The following LRP1B variants were observed in gnomAD, a reference collection of about 807,000 sequenced individuals.
LRP1B encodes the protein LDL receptor related protein 1B.
Under a neutral mutation model 556.6 loss-of-function variants are expected in LRP1B, and 217 were observed. The observed-to-expected ratio is 0.39, with a 90% CI of 0.35 to 0.44. The LOEUF is 0.44. LRP1B is among the 20% of genes least tolerant of loss of function. LRP1B has a pLI of 1.00. For missense variants in LRP1B, 5,053 were observed against 5,620.8 expected (o/e 0.90, Z 3.23); for synonymous variants, 2,047 against 1,865.8 (o/e 1.10, Z -2.50).
At chr2:141,995,222 C>T (rs1389930623) in intron 1 of LRP1B, among the ~76,000 whole-genome samples, 1 of 152,098 alleles carries the variant, frequency 6.6e-6, no homozygotes, top group East Asian at 1.9e-4. Context: ...TCTCGGTTGG[C>T]CAAAAATCAA....
Position 140,524,719 on chromosome 2 carries a change from C to T in LRP1B, c.8026+1125G>A, listed in dbSNP as rs1690351216. On this transcript the variant is annotated intron_variant, in intron 49 of 90. Coordinates refer to ENST00000389484, the MANE Select transcript of LRP1B (RefSeq NM_018557.3). ...AACAGAAAACCATATATCACATGTT[C>T]CCAGTTGCAAGTGGGAGCTAAACAT... Among the ~76,000 whole-genome samples the T allele has an allele frequency of 2.0e-5, 3 of 151,792 alleles. No homozygotes were observed. In the South Asian group the frequency reaches 6.2e-4, roughly 31 times the overall value.
intron 7 of LRP1B, among the ~76,000 whole-genome samples, chr2:141,096,927 C>G (rs1445163176): frequency 6.6e-6 from 1 of 152,100 alleles, no homozygotes; most frequent in Non-Finnish European, 1.5e-5. Context: ...AAAGTTGGTC[C>G]TGCATTGCCA....
At chr2:140,481,502 A>G (rs1027389894) in intron 59 of LRP1B, among the ~76,000 whole-genome samples, 11 of 151,578 alleles carry the variant, frequency 7.3e-5, no homozygotes, top group African/African-American at 1.9e-4. Context: ...GACTCTGGAT[A>G]AACAGTACAT....
chr2:142,122,512 T>A (rs2105014461), intron 1 of LRP1B, among the ~76,000 whole-genome samples: 1 of 152,248 alleles, frequency 6.6e-6, no homozygotes, highest in East Asian at 1.9e-4. Context: ...TGTGCTGTTG[T>A]ATTACAGGAC....
At chr2:142,033,359 C>G (rs1703770564) in intron 1 of LRP1B, among the ~76,000 whole-genome samples, 2 of 151,638 alleles carry the variant, frequency 1.3e-5, no homozygotes, top group South Asian at 4.2e-4. Context: ...TAATTCTACT[C>G]TTGAATTTCC....
intron 2 of LRP1B, among the ~76,000 whole-genome samples, chr2:141,524,291 C>T (rs1684623191): frequency 7.3e-6 from 1 of 136,774 alleles, no homozygotes; most frequent in Non-Finnish European, 1.6e-5. Context: ...AAACTCAATG[C>T]CTAAGAACAT....
chr2:141,286,680 T>G lies in LRP1B; in HGVS notation c.344-32039A>C, dbSNP rs1685733530. ...ACATCTTTAAAAGATACAAGAATAT[T>G]CAGATTTTATTTCATCTGGAGTTAG... On this transcript the variant is annotated intron_variant, in intron 3 of 90. Transcript: ENST00000389484. 31 of 442,226 alleles carry G rather than the reference T, an allele frequency of 7.0e-5. 1 individual carries two copies. Among genetic ancestry groups the G allele is most frequent in the South Asian group, 4.6e-4 (29 of 63,148 alleles). 27.4% of individuals were successfully genotyped at this position (442,226 alleles called of 1,614,324 possible).
chr2:140,369,429 C>G (rs1025765370), intron 71 of LRP1B, among the ~76,000 whole-genome samples: 3 of 151,902 alleles, frequency 2.0e-5, no homozygotes, highest in Non-Finnish European at 4.4e-5. Flanking sequence ...CATCCCCAAA[C>G]CTTTGAACGC....
rs115761608 is a variant in LRP1B at position 140,853,779 on chromosome 2, T to C, written c.4580-1996A>G. 3.0e-3 allele frequency among the ~76,000 whole-genome samples: 461 copies of C among 152,270 alleles called. 4 individuals are homozygous for C. Among genetic ancestry groups the C allele is most frequent in the African/African-American group, 0.011 (446 of 41,576 alleles). ...AGATAATAGAAAAGAGTAGAAGCTT[T>C]TGTTCCAGAGATTCCTTTCTACTGC... On this transcript the variant is annotated intron_variant, in intron 27 of 90. Transcript: ENST00000389484.
At chr2:140,976,459 G>A (rs1359790554) in intron 18 of LRP1B, among the ~76,000 whole-genome samples, 1 of 143,354 alleles carries the variant, frequency 7.0e-6, no homozygotes, top group Non-Finnish European at 1.5e-5. Context: ...GCAAACTTCA[G>A]TAGATTTTTA....
At chr2:141,198,568 G>A (rs558358811) in intron 6 of LRP1B, among the ~76,000 whole-genome samples, 12 of 152,210 alleles carry the variant, frequency 7.9e-5, no homozygotes, top group African/African-American at 1.2e-4. Context: ...GTATCTGTGC[G>A]GGGTCTTGGA....
At chr2:140,683,586 C>T (rs1685939388) in intron 41 of LRP1B, 2 of 688,348 alleles carry the variant, frequency 2.9e-6, no homozygotes, top group Middle Eastern at 2.6e-4. Context: ...AAAAAGATTG[C>T]CAGGCTGTTC....
chr2:140,779,606 A>T (rs770068104), intron 32 of LRP1B, among the ~76,000 whole-genome samples: 86 of 151,856 alleles, frequency 5.7e-4, no homozygotes, highest in Non-Finnish European at 9.9e-4. Flanking sequence ...GAGTCAGGAG[A>T]AACACTTGAA....
rs182342650 is a variant in LRP1B, at chr2:140,751,105, G to A, written c.5758+18108C>T. Among the ~76,000 whole-genome samples the A allele has an allele frequency of 5.2e-3, 780 of 148,802 alleles. 2 individuals are homozygous for A. The highest frequency in any genetic ancestry group is 0.014 in the Middle Eastern group (4 of 282). ...CCTCCTGGGTTCAAGCGATTCTCCT[G>A]CCTCAGCCTCCCGAGTAGCTGGGAT... is the stretch of plus-strand genomic sequence containing the variant. On this transcript the variant is annotated intron_variant, in intron 35 of 90. Coordinates refer to ENST00000389484, the MANE Select transcript of LRP1B (RefSeq NM_018557.3).
intron 15 of LRP1B, among the ~76,000 whole-genome samples, chr2:141,000,352 G>T (rs1470552412): frequency 2.0e-5 from 3 of 152,222 alleles, no homozygotes; most frequent in East Asian, 3.9e-4. Context: ...AAGGTACGAT[G>T]TAACTATGAG....
intron 2 of LRP1B, among the ~76,000 whole-genome samples, chr2:141,566,028 T>C (rs1199959536): frequency 2.0e-5 from 3 of 152,090 alleles, no homozygotes; most frequent in Non-Finnish European, 4.4e-5. Flanking sequence ...GGAATGACCT[T>C]ATATGGATTC....
chr2:141,538,070 G>A (rs1685125915), intron 2 of LRP1B, among the ~76,000 whole-genome samples: 1 of 152,048 alleles, frequency 6.6e-6, no homozygotes, highest in Non-Finnish European at 1.5e-5. Context: ...ATGAGTTATT[G>A]CAAAATGTAA....
intron 11 of LRP1B, among the ~76,000 whole-genome samples, chr2:141,036,903 T>C (rs149252567): frequency 2.8e-3 from 425 of 151,870 alleles, no homozygotes; most frequent in Non-Finnish European, 3.8e-3. Flanking sequence ...CAGAAAATTA[T>C]CTCCTGCCCA....
intron 41 of LRP1B, among the ~76,000 whole-genome samples, chr2:140,670,340 G>A (rs2105356814): frequency 6.6e-6 from 1 of 152,306 alleles, no homozygotes; most frequent in Admixed American, 6.5e-5. Context: ...ACAAAAAAAG[G>A]TAGAAAGAAA....
Sources: gnomAD v4.1 joint callset for allele counts (sites outside exome capture counted in the v4.1 genomes callset) on GRCh38, gnomAD v4.1.1 for gene constraint, MANE v1.5 for transcripts, NCBI Gene and HGNC (gene_info 2026-07-23, HGNC 2026-07-21) for gene names.